JAZF1: variants seen among roughly 807,000 people sequenced by gnomAD.
The protein encoded by JAZF1 is JAZF zinc finger 1, also known as juxtaposed with another zinc finger protein 1.
JAZF1 carries 8 observed loss-of-function variants against 26.4 expected under a neutral mutation model. The observed-to-expected ratio is 0.30, with a 90% CI of 0.18 to 0.55. JAZF1 has a LOEUF of 0.55. JAZF1 is among the 20% of genes least tolerant of loss of function. JAZF1 has a pLI of 0.94. For missense variants in JAZF1, 199 were observed against 322.0 expected (o/e 0.62, Z 2.92); for synonymous variants, 126 against 122.3 (o/e 1.03, Z -0.20).
intron 1 of JAZF1, among the ~76,000 whole-genome samples, chr7:28,113,386 T>C (rs1784693433): frequency 6.6e-6 from 1 of 152,180 alleles, no homozygotes; most frequent in Non-Finnish European, 1.5e-5. Context: ...CCTGGGCTAG[T>C]GGTGAGGCTC....
chr7:28,087,985 G>A (rs1241078578), intron 1 of JAZF1, among the ~76,000 whole-genome samples: 1 of 152,126 alleles, frequency 6.6e-6, no homozygotes, highest in African/African-American at 2.4e-5. Context: ...TTTCTTTTAA[G>A]CAATTACCAA....
intron 1 of JAZF1, among the ~76,000 whole-genome samples, chr7:28,014,830 G>A (rs1226774796): frequency 1.3e-5 from 2 of 152,176 alleles, no homozygotes; most frequent in Admixed American, 6.5e-5. Context: ...AAGTAAACAG[G>A]AAACTATGTT....
intron 1 of JAZF1, among the ~76,000 whole-genome samples, chr7:28,056,348 CGCA>C (rs778689600): frequency 2.6e-5 from 4 of 151,550 alleles, no homozygotes; most frequent in Non-Finnish European, 5.9e-5. Flanking sequence ...CTCCTGGGAG[CGCA>C]AGTCTTTACC....
chr7:27,834,206 T>C (rs1214660495), intron 4 of JAZF1, among the ~76,000 whole-genome samples: 3 of 152,206 alleles, frequency 2.0e-5, no homozygotes, highest in African/African-American at 7.2e-5. Context: ...GCCTGGCACA[T>C]TGTCGATGCT....
intron 1 of JAZF1, among the ~76,000 whole-genome samples, chr7:28,001,738 C>T (rs935324447): frequency 5.3e-5 from 8 of 150,626 alleles, no homozygotes; most frequent in Non-Finnish European, 1.0e-4. Flanking sequence ...GTTCTGCAGA[C>T]GATGCAGAGC....
At chr7:28,010,395 C>T (rs1275735417) in intron 1 of JAZF1, among the ~76,000 whole-genome samples, 1 of 152,198 alleles carries the variant, frequency 6.6e-6, no homozygotes, top group Admixed American at 6.5e-5. Context: ...CCCCTTCAGC[C>T]TTCTGCTGTT....
At chr7:27,953,638 G>A (rs771866437) in intron 2 of JAZF1, among the ~76,000 whole-genome samples, 62 of 152,260 alleles carry the variant, frequency 4.1e-4, no homozygotes, top group Non-Finnish European at 4.4e-4. Flanking sequence ...GAGGTGGCAT[G>A]CACACACCTA....
intron 2 of JAZF1, among the ~76,000 whole-genome samples, chr7:27,925,772 G>A (rs189624204): frequency 3.3e-5 from 5 of 152,328 alleles, no homozygotes; most frequent in African/African-American, 7.2e-5. Flanking sequence ...GTCTTTTGCA[G>A]AGTAAGCAAA....
At chr7:27,884,521 CT>C (rs1482028189) in intron 3 of JAZF1, among the ~76,000 whole-genome samples, 2 of 152,220 alleles carry the variant, frequency 1.3e-5, no homozygotes, top group African/African-American at 4.8e-5. Context: ...AGAAAGTTCC[CT>C]TGTCCACACC....
intron 1 of JAZF1, among the ~76,000 whole-genome samples, chr7:28,067,035 C>T (rs967028978): frequency 6.6e-6 from 1 of 152,132 alleles, no homozygotes; most frequent in African/African-American, 2.4e-5. Flanking sequence ...TACCTGCCTA[C>T]CCTTGAAAAT....
At chr7:28,146,018 G>C (rs1269004535) in intron 1 of JAZF1, among the ~76,000 whole-genome samples, 3 of 151,994 alleles carry the variant, frequency 2.0e-5, no homozygotes, top group African/African-American at 7.2e-5. Context: ...ACTCTTCCTA[G>C]AAGCCTTAAG....
At chr7:27,907,984 A>G (rs181244827) in intron 2 of JAZF1, among the ~76,000 whole-genome samples, 119 of 152,292 alleles carry the variant, frequency 7.8e-4, no homozygotes, top group Non-Finnish European at 1.3e-3. Flanking sequence ...ATTTTCTTCT[A>G]TATCTACTGA....
chr7:27,944,323 C>T lies in JAZF1; in HGVS notation c.188+47586G>A, dbSNP rs527270167. Among the ~76,000 whole-genome samples the T allele has an allele frequency of 6.6e-5, 10 of 152,184 alleles. No homozygotes were observed. The South Asian group carries it at 8.3e-4, about 13-fold the overall frequency. On this transcript the variant is annotated intron_variant, in intron 2 of 4. Coordinates refer to ENST00000283928, the MANE Select transcript of JAZF1 (RefSeq NM_175061.4). ...TGTGGCTCAAAGGCTGTGTCTACAGCGCATAAGGTTTTAATGGCCTTCGCT... is the reference window on the plus strand; with the variant it reads ...TGTGGCTCAAAGGCTGTGTCTACAGTGCATAAGGTTTTAATGGCCTTCGCT...
intron 1 of JAZF1, among the ~76,000 whole-genome samples, chr7:28,150,840 A>AT (rs1396214188): frequency 6.6e-5 from 10 of 152,362 alleles, no homozygotes; most frequent in African/African-American, 1.9e-4. Flanking sequence ...TCCACCAGTC[A>AT]TTTAAGTGTC....
At chr7:27,932,504 T>G (rs953425352) in intron 2 of JAZF1, among the ~76,000 whole-genome samples, 7 of 152,200 alleles carry the variant, frequency 4.6e-5, no homozygotes, top group African/African-American at 1.7e-4. Flanking sequence ...CTCAATCAGC[T>G]GGAAACAATA....
At chr7:28,116,741 C>T (rs1784751439) in intron 1 of JAZF1, among the ~76,000 whole-genome samples, 1 of 152,168 alleles carries the variant, frequency 6.6e-6, no homozygotes, top group Admixed American at 6.5e-5. Context: ...AAACACCGCA[C>T]CCAGCCAAGA....
At chr7:28,012,452 C>CA (rs1782814191) in intron 1 of JAZF1, among the ~76,000 whole-genome samples, 1 of 152,004 alleles carries the variant, frequency 6.6e-6, no homozygotes, top group South Asian at 2.1e-4. Flanking sequence ...AAAACAAAAC[C>CA]AAAAAACCCC....
At chr7:27,967,914 G>A (rs1785306027) in intron 2 of JAZF1, among the ~76,000 whole-genome samples, 1 of 152,166 alleles carries the variant, frequency 6.6e-6, no homozygotes, top group South Asian at 2.1e-4. Flanking sequence ...TTAACTGGTT[G>A]GCTGTTTCTA....
chr7:27,952,797 T>C (rs551752415), intron 2 of JAZF1, among the ~76,000 whole-genome samples: 1 of 152,322 alleles, frequency 6.6e-6, no homozygotes, highest in South Asian at 2.1e-4. Flanking sequence ...TTGAAACATG[T>C]TCAGGAAAAA....
Sources: gnomAD v4.1 joint callset for allele counts (sites outside exome capture counted in the v4.1 genomes callset) on GRCh38, gnomAD v4.1.1 for gene constraint, MANE v1.5 for transcripts, NCBI Gene and HGNC (gene_info 2026-07-23, HGNC 2026-07-21) for gene names.